The following MTUS1 variants were observed in gnomAD, a reference collection of about 807,000 sequenced individuals.
The protein encoded by MTUS1 is microtubule-associated tumor suppressor 1.
MTUS1 carries 109 observed loss-of-function variants against 120.8 expected under a neutral mutation model. That is an observed-to-expected ratio of 0.90 (90% confidence interval 0.77 to 1.06). The LOEUF (loss-of-function observed/expected upper bound fraction) is 1.06. MTUS1 is among the 50% of genes least tolerant of loss of function. The pLI, the probability that MTUS1 is intolerant of heterozygous loss-of-function variation, is 0.00. For synonymous variants in MTUS1, 737 were observed against 550.5 expected, an observed-to-expected ratio of 1.34 and a Z score of -4.74; for missense variants, 2,210 against 1,486.3, an observed-to-expected ratio of 1.49 and a Z score of -8.01.
chr8:17,766,488 G>A (rs2131412741), intron 1 of MTUS1, among the ~76,000 whole-genome samples: 1 of 152,240 alleles, frequency 6.6e-6, no homozygotes, highest in East Asian at 1.9e-4. Flanking sequence ...GCACCATTTG[G>A]GAGTTATTTT....
intron 1 of MTUS1, among the ~76,000 whole-genome samples, chr8:17,794,438 C>G (rs987672875): frequency 1.3e-5 from 2 of 152,196 alleles, no homozygotes; most frequent in African/African-American, 4.8e-5. Flanking sequence ...TAACTATACA[C>G]TACGTATAAA....
intron 7 of MTUS1, among the ~76,000 whole-genome samples, chr8:17,678,582 C>T (rs763375805): frequency 1.2e-4 from 18 of 152,076 alleles, no homozygotes; most frequent in Non-Finnish European, 2.4e-4. Flanking sequence ...CAGAGAATAG[C>T]CACATCAGAT....
chr8:17,742,311 T>TTTTTTTTTTTTTTTTTA (rs1554516969), intron 3 of MTUS1, among the ~76,000 whole-genome samples: 6 of 139,540 alleles, frequency 4.3e-5, no homozygotes, highest in Non-Finnish European at 6.2e-5. Context: ...TTTTTTTTTT[T>TTTTTTTTTTTTTTTTTA]AGAGATAGTG....
At chr8:17,683,450 C>G (rs1360615394) in intron 7 of MTUS1, among the ~76,000 whole-genome samples, 2 of 152,140 alleles carry the variant, frequency 1.3e-5, no homozygotes, top group Non-Finnish European at 2.9e-5. Context: ...AACAACCAAA[C>G]TGAACAGTTT....
chr8:17,734,740 T>A (rs1389570823), intron 3 of MTUS1, among the ~76,000 whole-genome samples: 1 of 152,174 alleles, frequency 6.6e-6, no homozygotes, highest in Non-Finnish European at 1.5e-5. Context: ...GGTCTTCACA[T>A]GTTCACCAGC....
At chr8:17,768,552 G>A (rs2049749266) in intron 1 of MTUS1, among the ~76,000 whole-genome samples, 1 of 151,316 alleles carries the variant, frequency 6.6e-6, no homozygotes, top group Non-Finnish European at 1.5e-5. Flanking sequence ...AAATTAAAAT[G>A]ACCTCAACAA....
In MTUS1 at chr8:17,652,053, C is replaced by A. The variant is rs138848154; in HGVS notation, c.3384+1133G>T. The stretch of plus-strand genomic sequence containing the variant: ...AGAAGGTCTCACTGAGAGATCCACA[C>A]ATGTACTTTCTAGAGCTGGCCAGAG... On this transcript the variant is annotated intron_variant, in intron 12 of 14. Coordinates refer to ENST00000693296, the MANE Select transcript of MTUS1 (RefSeq NM_001363059.2). 5.9e-3 allele frequency among the ~76,000 whole-genome samples: 892 copies of A among 152,324 alleles called. 10 individuals are homozygous for A. The highest frequency in any genetic ancestry group is 0.02 in the African/African-American group (829 of 41,570).
intron 1 of MTUS1, among the ~76,000 whole-genome samples, chr8:17,769,702 A>G (rs892023296): frequency 1.3e-5 from 2 of 152,078 alleles, no homozygotes; most frequent in Non-Finnish European, 2.9e-5. Context: ...GGCATCCTAT[A>G]TTCTTTAAAC....
At chr8:17,657,181 T>C (rs1037646201) in intron 8 of MTUS1, among the ~76,000 whole-genome samples, 4 of 149,720 alleles carry the variant, frequency 2.7e-5, no homozygotes, top group African/African-American at 4.9e-5. Flanking sequence ...TAAACGCAAA[T>C]CACCAGAGCA....
chr8:17,755,963 T>TG lies in MTUS1; in HGVS notation c.-154-3dup, dbSNP rs776241884. The TG allele has an allele frequency of 4.9e-6, 7 of 1,415,856 alleles. No individual in the cohort carries two copies. Among genetic ancestry groups the TG allele is most frequent in the Non-Finnish European group, 6.4e-6 (7 of 1,091,190 alleles). 87.7% of individuals were successfully genotyped at this position (1,415,856 alleles called of 1,614,324 possible). ...GAAGATTAAATGATTTGTTGTTCCC[T>TG]GGAAGAAATAAAATGTTTAACTCAA... On this transcript the variant is annotated splice_region_variant and splice_polypyrimidine_tract_variant and intron_variant, in intron 1 of 14. Coordinates refer to ENST00000693296, the MANE Select transcript of MTUS1 (RefSeq NM_001363059.2).
chr8:17,655,334 C>T (rs1371540979), intron 9 of MTUS1, among the ~76,000 whole-genome samples: 1 of 151,392 alleles, frequency 6.6e-6, no homozygotes, highest in Non-Finnish European at 1.5e-5. Flanking sequence ...TGGCAACACA[C>T]CACCAGGATG....
At chr8:17,779,743 T>A (rs1452361330) in intron 1 of MTUS1, among the ~76,000 whole-genome samples, 3 of 152,222 alleles carry the variant, frequency 2.0e-5, no homozygotes, top group African/African-American at 7.2e-5. Flanking sequence ...CTTTGGCAAA[T>A]GCCTCTAAGA....
At chr8:17,800,365 A>C (rs1410272942) in intron 1 of MTUS1, among the ~76,000 whole-genome samples, 1 of 152,168 alleles carries the variant, frequency 6.6e-6, no homozygotes, top group Non-Finnish European at 1.5e-5. Flanking sequence ...AACAAAACAC[A>C]CTGGATTTCC....
At chr8:17,671,922 A>G (rs777016010) in intron 8 of MTUS1, among the ~76,000 whole-genome samples, 4 of 152,138 alleles carry the variant, frequency 2.6e-5, no homozygotes, top group Non-Finnish European at 5.9e-5. Context: ...TATATGCATT[A>G]CTATTTTATT....
chr8:17,794,703 A>T (rs1359018784), intron 1 of MTUS1, among the ~76,000 whole-genome samples: 1 of 152,274 alleles, frequency 6.6e-6, no homozygotes, highest in Non-Finnish European at 1.5e-5. Flanking sequence ...GAAATGATTA[A>T]CAGTATAGCA....
In MTUS1 at chr8:17,645,272, G is replaced by A. The variant is rs1192508739; in HGVS notation, c.*654C>T. On this transcript the variant is annotated 3_prime_UTR_variant, in exon 15 of 15. Transcript: ENST00000693296. ...AATGTATAGACAGGGACAAGTCAAA[G>A]CTCTTCCTGTTATACCCTCTCCCTA... 2 of 152,598 alleles carry A rather than the reference G, an allele frequency of 1.3e-5. No individual in the cohort carries two copies. Among genetic ancestry groups the A allele is most frequent in the South Asian group, 2.1e-4 (1 of 4,826 alleles). 9.5% of individuals were successfully genotyped at this position (152,598 alleles called of 1,614,324 possible). A position where few individuals can be genotyped will look rare whatever the true frequency, so the allele number is the denominator to read the frequency against.
chr8:17,767,711 A>AACAAACAAACAAACAAACAAACAAAC (rs1332492194), intron 1 of MTUS1, among the ~76,000 whole-genome samples: 27 of 149,052 alleles, frequency 1.8e-4, no homozygotes, highest in East Asian at 1.9e-4. Context: ...AAAAAAAAAA[A>AACAAACAAACAAACAAACAAACAAAC]AAAAAAACGG....
intron 1 of MTUS1, among the ~76,000 whole-genome samples, chr8:17,768,241 CTCTT>C: frequency 6.6e-6 from 1 of 152,274 alleles, no homozygotes; most frequent in Non-Finnish European, 1.5e-5. Flanking sequence ...ATAATGTTCT[CTCTT>C]CTCTTTCTTC....
intron 4 of MTUS1, chr8:17,722,023 G>A: frequency 7.2e-7 from 1 of 1,388,106 alleles, no homozygotes; most frequent in African/African-American, 1.5e-5. Flanking sequence ...TAAGCTCCAA[G>A]GCACTACACA....
Sources: allele counts gnomAD v4.1 joint callset (sites outside exome capture counted in the v4.1 genomes callset), GRCh38; gene constraint gnomAD v4.1.1; transcripts MANE v1.5; gene names NCBI Gene and HGNC (gene_info 2026-07-23, HGNC 2026-07-21).